The following ZNF407 variants were observed in gnomAD, a reference collection of about 807,000 sequenced individuals.
ZNF407 encodes the protein zinc finger protein 407.
ZNF407 carries 17 observed loss-of-function variants against 131.2 expected under a neutral mutation model. The ratio of observed to expected loss-of-function variants is 0.13; its 90% CI spans 0.09 to 0.19. The LOEUF (loss-of-function observed/expected upper bound fraction) is 0.19. Among genes scored for constraint, ZNF407 ranks in the 10% least tolerant of loss-of-function variants. The pLI, the probability that ZNF407 is intolerant of heterozygous loss-of-function variation, is 1.00. For synonymous variants in ZNF407, 1,156 were observed against 1,062.0 expected (o/e 1.09, Z -1.72); for missense variants, 2,681 against 2,830.6 (o/e 0.95, Z 1.20).
intron 3 of ZNF407, among the ~76,000 whole-genome samples, chr18:74,736,007 G>A (rs938132199): frequency 8.5e-5 from 13 of 152,182 alleles, no homozygotes; most frequent in South Asian, 2.1e-4. Context: ...GAATAAATGT[G>A]AACTTGCAGA....
intron 3 of ZNF407, among the ~76,000 whole-genome samples, chr18:74,766,480 A>G (rs143522247): frequency 1.8e-3 from 274 of 152,252 alleles, no homozygotes; most frequent in African/African-American, 5.5e-3. Context: ...CCTGCGCGCT[A>G]TGGTTTCACA....
chr18:75,058,140 C>A (rs1468006144), intron 8 of ZNF407, among the ~76,000 whole-genome samples: 1 of 152,118 alleles, frequency 6.6e-6, no homozygotes. Context: ...TGCAGCTTAA[C>A]CCCTCCACCC....
At chr18:74,601,070 C>T (rs1371923799) in intron 1 of ZNF407, among the ~76,000 whole-genome samples, 6 of 151,966 alleles carry the variant, frequency 3.9e-5, no homozygotes, top group South Asian at 4.1e-4. Flanking sequence ...GGAGTGGATT[C>T]GGGGATGGAG....
chr18:74,739,889 A>T (rs909279968), intron 3 of ZNF407, among the ~76,000 whole-genome samples: 13 of 152,160 alleles, frequency 8.5e-5, no homozygotes, highest in Non-Finnish European at 1.8e-4. Flanking sequence ...ATTAAATGGA[A>T]CTTTATTATT....
intron 4 of ZNF407, among the ~76,000 whole-genome samples, chr18:74,830,833 C>G (rs1035018943): frequency 6.6e-6 from 1 of 152,172 alleles, no homozygotes; most frequent in Non-Finnish European, 1.5e-5. Flanking sequence ...ATGTAGTCGT[C>G]CTACAGCGGT....
chr18:75,003,024 GGACACA>G (rs1172695062), intron 8 of ZNF407, among the ~76,000 whole-genome samples: 1 of 152,034 alleles, frequency 6.6e-6, no homozygotes, highest in African/African-American at 2.4e-5. Context: ...TTGGTTCTTA[GGACACA>G]GACCTCTAAA....
At chr18:74,689,415 C>T (rs551883140) in intron 3 of ZNF407, among the ~76,000 whole-genome samples, 11 of 152,218 alleles carry the variant, frequency 7.2e-5, no homozygotes, top group South Asian at 2.1e-4. Flanking sequence ...TGTTAGCTTG[C>T]GAAGAGTCAT....
intron 3 of ZNF407, among the ~76,000 whole-genome samples, chr18:74,738,915 T>A (rs1330543673): frequency 6.6e-6 from 1 of 152,182 alleles, no homozygotes; most frequent in Non-Finnish European, 1.5e-5. Flanking sequence ...TATAAACTTT[T>A]CTGAAGTAAA....
intron 4 of ZNF407, among the ~76,000 whole-genome samples, chr18:74,863,081 C>A (rs567176157): frequency 6.6e-6 from 1 of 151,786 alleles, no homozygotes. Context: ...CCACTACGCC[C>A]GGCTATTTTT....
chr18:74,628,517 C>T (rs1983901839), intron 1 of ZNF407, among the ~76,000 whole-genome samples: 1 of 152,168 alleles, frequency 6.6e-6, no homozygotes, highest in Non-Finnish European at 1.5e-5. Flanking sequence ...ATGGTCTTCA[C>T]TTGGCATAAT....
intron 7 of ZNF407, among the ~76,000 whole-genome samples, chr18:74,892,767 G>C (rs1455370433): frequency 6.6e-6 from 1 of 152,106 alleles, no homozygotes; most frequent in African/African-American, 2.4e-5. Context: ...ATTTTAATCT[G>C]TGCATGGCCC....
intron 4 of ZNF407, among the ~76,000 whole-genome samples, chr18:74,867,789 T>A (rs1470235195): frequency 6.6e-6 from 1 of 152,202 alleles, no homozygotes; most frequent in Non-Finnish European, 1.5e-5. Flanking sequence ...ATCAGTACAG[T>A]ATAAATTCCT....
chr18:74,746,500 T>C (rs1325563747), intron 3 of ZNF407, among the ~76,000 whole-genome samples: 1 of 152,204 alleles, frequency 6.6e-6, no homozygotes, highest in Non-Finnish European at 1.5e-5. Flanking sequence ...TCAAATGTAT[T>C]TTCTTATATC....
intron 8 of ZNF407, among the ~76,000 whole-genome samples, chr18:75,029,725 T>C (rs1427294002): frequency 1.3e-5 from 2 of 152,268 alleles, no homozygotes; most frequent in African/African-American, 2.4e-5. Context: ...ATGTGACTTA[T>C]CACTGGTTTC....
chr18:74,817,260 A>T (rs1433850159), intron 4 of ZNF407, among the ~76,000 whole-genome samples: 1 of 152,200 alleles, frequency 6.6e-6, no homozygotes, highest in East Asian at 1.9e-4. Context: ...AATTGCAGGG[A>T]GTGAGTGTTG....
Position 74,881,043 on chromosome 18 carries a change from G to A in ZNF407, c.5052G>A (p.Lys1684=). The A allele has an allele frequency of 6.3e-7, 1 of 1,587,780 alleles. No homozygotes were observed. Among genetic ancestry groups the A allele is most frequent in the Non-Finnish European group, 8.6e-7 (1 of 1,166,298 alleles). ...KDHYRTHTGE[K]SFLCDLCGFA... is the part of the protein sequence containing the mutation. Reference sequence around the variant, plus strand: ...TGTTTGTTGTTGCAACAGGCGAGAAGTCGTTTCTGTGTGACCTCTGCGGCT... The same window carrying A: ...TGTTTGTTGTTGCAACAGGCGAGAAATCGTTTCTGTGTGACCTCTGCGGCT... The change falls in exon 6 of 9, where the codon AAG becomes AAA. Residue 1684 remains lysine, a synonymous_variant. Transcript: ENST00000299687.
chr18:74,980,525 G>T (rs564554566), intron 8 of ZNF407, among the ~76,000 whole-genome samples: 1 of 151,876 alleles, frequency 6.6e-6, no homozygotes, highest in Non-Finnish European at 1.5e-5. Flanking sequence ...GGCTGGTCTC[G>T]AATTCCTGAC....
intron 3 of ZNF407, among the ~76,000 whole-genome samples, chr18:74,688,121 CT>C (rs1018821656): frequency 1.3e-5 from 2 of 152,134 alleles, no homozygotes; most frequent in African/African-American, 4.8e-5. Context: ...TTCCATATAG[CT>C]TTTCAGCCTC....
chr18:74,999,790 C>G (rs186331938), intron 8 of ZNF407, among the ~76,000 whole-genome samples: 2 of 152,252 alleles, frequency 1.3e-5, no homozygotes, highest in African/African-American at 4.8e-5. Flanking sequence ...GCCAAGATGA[C>G]TGCATTTCAA....
Sources: allele counts gnomAD v4.1 joint callset (sites outside exome capture counted in the v4.1 genomes callset), GRCh38; gene constraint gnomAD v4.1.1; transcripts MANE v1.5; gene names NCBI Gene and HGNC (gene_info 2026-07-23, HGNC 2026-07-21).